ST3GAL3: variants seen among roughly 807,000 people sequenced by gnomAD.
ST3GAL3 encodes the protein ST3 beta-galactoside alpha-2,3-sialyltransferase 3.
Under a neutral mutation model 50.1 loss-of-function variants are expected in ST3GAL3, and 21 were observed. That is an observed-to-expected ratio of 0.42 (90% CI 0.30 to 0.60). The LOEUF (loss-of-function observed/expected upper bound fraction) is 0.60, where lower values mean the gene tolerates loss of function less well. Ranked by LOEUF, ST3GAL3 falls within the 20% of genes least tolerant of loss-of-function variation. The pLI is 0.19. For synonymous variants in ST3GAL3, 183 were observed against 190.0 expected (o/e 0.96, Z 0.30); for missense variants, 353 against 489.4 (o/e 0.72, Z 2.63).
In ST3GAL3 at chr1:43,744,655, A is replaced by AAAT. The variant is rs758984209; in HGVS notation, c.118+8277_118+8278insTAA. Among the ~76,000 whole-genome samples, 242 of 140,962 alleles carry AAAT rather than the reference A, an allele frequency of 1.7e-3. 1 individual carries two copies. The highest frequency in any genetic ancestry group is 0.015 in the Middle Eastern group (4 of 272). The allele number at this position is 140,962 out of a possible 152,430, so 92.5% of individuals were successfully genotyped here. ...GGGACAGAGCGAGACTCCCTCTCAAAAAATAAATAAATAAATAAATAAATA... is the reference window on the plus strand; with the variant it reads ...GGGACAGAGCGAGACTCCCTCTCAAAAATAAATAAATAAATAAATAAATAAATA... On this transcript the variant is annotated intron_variant, in intron 2 of 11. Transcript: ENST00000347631.
intron 5 of ST3GAL3, among the ~76,000 whole-genome samples, chr1:43,892,100 G>A (rs111701844): frequency 0.012 from 1,830 of 152,244 alleles, 43 homozygotes; most frequent in African/African-American, 0.042. Flanking sequence ...TGCCCACCAC[G>A]CCTGGCTAAT....
intron 5 of ST3GAL3, among the ~76,000 whole-genome samples, chr1:43,893,570 G>A (rs1195102539): frequency 6.6e-6 from 1 of 151,964 alleles, no homozygotes; most frequent in East Asian, 1.9e-4. Context: ...TCCTCCCCAA[G>A]CCTGTCCCCT....
rs1400886590 is a variant in ST3GAL3 at position 43,930,160 on chromosome 1, AAG to A, written c.1070_1071del (p.Glu357ValfsTer13). 1 of 1,614,082 alleles carries A rather than the reference AAG, an allele frequency of 6.2e-7. No individual in the cohort carries two copies. The highest frequency in any genetic ancestry group is 8.5e-7 in the Non-Finnish European group (1 of 1,180,052). On this transcript the variant is annotated frameshift_variant, in exon 12 of 12. Coordinates refer to ENST00000347631, the MANE Select transcript of ST3GAL3 (RefSeq NM_006279.5). LOFTEE classifies it high-confidence loss of function. ...TGGACGCACAATATCCAGCGAGAGA[AAG>A]AGTTTCTGCGGAAGCTGGTGAAAGC...
chr1:43,898,118 C>G, intron 6 of ST3GAL3, 117 bp from the exon 7 acceptor site: 2 of 1,090,088 alleles, frequency 1.8e-6, no homozygotes, highest in Non-Finnish European at 2.8e-6. Flanking sequence ...AGAGCTCTCT[C>G]CACTTCCACT....
chr1:43,773,523 T>C (rs1232904109), intron 2 of ST3GAL3, among the ~76,000 whole-genome samples: 1 of 152,228 alleles, frequency 6.6e-6, no homozygotes, highest in African/African-American at 2.4e-5. Flanking sequence ...CAGTTTACAT[T>C]TTAACATTTT....
intron 5 of ST3GAL3, among the ~76,000 whole-genome samples, chr1:43,866,169 G>A (rs1340632521): frequency 6.6e-6 from 1 of 152,230 alleles, no homozygotes; most frequent in Non-Finnish European, 1.5e-5. Context: ...AAATGCCTTG[G>A]AAGTTTCTTT....
intron 5 of ST3GAL3, among the ~76,000 whole-genome samples, chr1:43,853,883 G>A (rs1008107225): frequency 3.9e-5 from 6 of 152,170 alleles, no homozygotes; most frequent in African/African-American, 1.4e-4. Flanking sequence ...GCCTGATTTG[G>A]GACGCTTGCA....
intron 5 of ST3GAL3, among the ~76,000 whole-genome samples, chr1:43,852,497 C>T (rs2067520717): frequency 6.6e-6 from 1 of 152,084 alleles, no homozygotes; most frequent in Non-Finnish European, 1.5e-5. Context: ...AGACTGTGAA[C>T]TTCTCACATA....
At chr1:43,929,880 G>C (rs1472904236) in intron 11 of ST3GAL3, 2 of 559,368 alleles carry the variant, frequency 3.6e-6, no homozygotes, top group South Asian at 1.7e-5. Context: ...GAAGCTTAAC[G>C]GTTTTCCTGG....
intron 3 of ST3GAL3, among the ~76,000 whole-genome samples, chr1:43,812,416 T>C (rs1168764116): frequency 6.6e-6 from 1 of 152,154 alleles, no homozygotes; most frequent in African/African-American, 2.4e-5. Flanking sequence ...CATCAGTGGG[T>C]TCACAATTAC....
chr1:43,834,113 A>G (rs1166445033), intron 4 of ST3GAL3, among the ~76,000 whole-genome samples: 1 of 152,140 alleles, frequency 6.6e-6, no homozygotes, highest in Non-Finnish European at 1.5e-5. Flanking sequence ...GTGAGCCGAG[A>G]TCATGCCACC....
chr1:43,833,745 T>G (rs1573891030), intron 4 of ST3GAL3, among the ~76,000 whole-genome samples: 1 of 152,126 alleles, frequency 6.6e-6, no homozygotes, highest in Non-Finnish European at 1.5e-5. Context: ...GGGGAACAAG[T>G]GAGCAAGTGA....
At chr1:43,721,513 A>G (rs1670452228) in intron 1 of ST3GAL3, among the ~76,000 whole-genome samples, 1 of 151,952 alleles carries the variant, frequency 6.6e-6, no homozygotes, top group Non-Finnish European at 1.5e-5. Flanking sequence ...TGTGTTGGTC[A>G]GGCTGGTCTC....
At chr1:43,892,310 T>C (rs1296466775) in intron 5 of ST3GAL3, among the ~76,000 whole-genome samples, 1 of 152,030 alleles carries the variant, frequency 6.6e-6, no homozygotes, top group Non-Finnish European at 1.5e-5. Context: ...CAGGCTGGAG[T>C]GCAGTAGTGT....
chr1:43,899,782 C>G lies in ST3GAL3; in HGVS notation c.744+55C>G, dbSNP rs112394294. The stretch of plus-strand genomic sequence containing the variant: ...CTCTTGCCCTGGGCTTCCGCAACTC[C>G]TAAGCAATCCCGCCCCTTGAATGCA... On this transcript the variant is annotated intron_variant, in intron 9 of 11. Coordinates refer to ENST00000347631, the MANE Select transcript of ST3GAL3 (RefSeq NM_006279.5). The surrounding 1 kb of genome is among the most constrained non-coding windows in gnomAD (Gnocchi z 5.4). 6,015 of 1,512,002 alleles carry G rather than the reference C, an allele frequency of 4.0e-3. 197 individuals carry two copies. The African/African-American group carries it at 0.073, about 18-fold the overall frequency. The allele number at this position is 1,512,002 out of a possible 1,614,324, so 93.7% of individuals were successfully genotyped here. A position where few individuals can be genotyped will look rare whatever the true frequency, so the allele number is the denominator to read the frequency against.
chr1:43,907,747 C>T (rs2080060063), intron 9 of ST3GAL3, among the ~76,000 whole-genome samples: 1 of 152,136 alleles, frequency 6.6e-6, no homozygotes, highest in Non-Finnish European at 1.5e-5. Flanking sequence ...ATTCCTTTGT[C>T]TCCTTTCTCA....
At chr1:43,925,084 G>A (rs1468436914) in intron 11 of ST3GAL3, among the ~76,000 whole-genome samples, 2 of 152,098 alleles carry the variant, frequency 1.3e-5, no homozygotes, top group Non-Finnish European at 2.9e-5. Context: ...GGGGTCAGGA[G>A]TTCGAGACCA....
chr1:43,823,746 T>C (rs2062414304), intron 4 of ST3GAL3, among the ~76,000 whole-genome samples: 1 of 152,244 alleles, frequency 6.6e-6, no homozygotes, highest in Admixed American at 6.5e-5. Flanking sequence ...TACTTAGTGA[T>C]CAATTAATAA....
At chr1:43,905,413 C>T (rs1392024416) in intron 9 of ST3GAL3, among the ~76,000 whole-genome samples, 1 of 111,110 alleles carries the variant, frequency 9.0e-6, no homozygotes, top group Non-Finnish European at 1.8e-5. Flanking sequence ...TGCTCCTCTT[C>T]CTGCCACTTT....
Sources: allele counts gnomAD v4.1 joint callset (sites outside exome capture counted in the v4.1 genomes callset), GRCh38; gene constraint gnomAD v4.1.1; non-coding constraint Gnocchi (gnomAD v3.1); transcripts MANE v1.5; gene names NCBI Gene and HGNC (gene_info 2026-07-23, HGNC 2026-07-21).